Variants in ME1 observed in about 807,000 individuals in gnomAD.
The protein encoded by ME1 is NADP-dependent malic enzyme.
A neutral mutation model predicts 66.4 loss-of-function variants in ME1; 74 were observed. The ratio of observed to expected loss-of-function variants is 1.11; its 90% CI spans 0.92 to 1.35. The LOEUF (loss-of-function observed/expected upper bound fraction) is 1.35, where lower values mean the gene tolerates loss of function less well. Ranked by LOEUF, ME1 falls within the 40% of genes most tolerant of loss-of-function variation. The pLI is 0.00. For missense variants in ME1, 750 were observed against 694.1 expected (o/e 1.08, Z -0.90); for synonymous variants, 251 against 235.6 (o/e 1.07, Z -0.60).
chr6:83,234,818 T>G (rs2128524933), intron 9 of ME1, among the ~76,000 whole-genome samples: 1 of 152,312 alleles, frequency 6.6e-6, no homozygotes, highest in African/African-American at 2.4e-5. Flanking sequence ...CCTTCATCTC[T>G]TATCATCTGC....
At chr6:83,385,123 G>T (rs571211049) in intron 3 of ME1, among the ~76,000 whole-genome samples, 2 of 151,924 alleles carry the variant, frequency 1.3e-5, no homozygotes, top group East Asian at 1.9e-4. Context: ...TTCAGTAACT[G>T]TCACTGTTAT....
At position 83,305,149 on chromosome 6, in the gene ME1, C is replaced by T. The variant is rs140678299; in HGVS notation, c.704+10161G>A. The stretch of plus-strand genomic sequence containing the variant: ...AAACCACTCACATTGTCTTGTGTGG[C>T]CTCCCTTTAAGTATCTCAATTGAGT... On this transcript the variant is annotated intron_variant, in intron 6 of 13. Coordinates refer to ENST00000369705, the MANE Select transcript of ME1 (RefSeq NM_002395.6). Among the ~76,000 whole-genome samples, 999 of 152,194 alleles carry T rather than the reference C, an allele frequency of 6.6e-3. 11 individuals carry two copies. The highest frequency in any genetic ancestry group is 0.023 in the African/African-American group (947 of 41,500).
At chr6:83,248,963 A>G (rs1790672463) in intron 7 of ME1, among the ~76,000 whole-genome samples, 1 of 152,314 alleles carries the variant, frequency 6.6e-6, no homozygotes, top group South Asian at 2.1e-4. Context: ...CTGAAATCCT[A>G]TATTTGCTTT....
At chr6:83,216,704 C>T in intron 12 of ME1, 108 bp from the exon 13 acceptor site, 1 of 656,114 alleles carries the variant, frequency 1.5e-6, no homozygotes, top group South Asian at 2.1e-5. Flanking sequence ...ATACAAAAAC[C>T]AGTGACATTA....
chr6:83,397,373 A>C (rs114622414), intron 3 of ME1, among the ~76,000 whole-genome samples: 186 of 152,324 alleles, frequency 1.2e-3, no homozygotes, highest in African/African-American at 4.4e-3. Context: ...GTTTATGAAA[A>C]ATTGCTCAAC....
At chr6:83,215,220 T>C (rs79337289) in intron 13 of ME1, among the ~76,000 whole-genome samples, 9,187 of 152,282 alleles carry the variant, frequency 0.06, 772 homozygotes, top group African/African-American at 0.19. Context: ...TTTAGATAAC[T>C]TGCTAATAGC....
chr6:83,298,780 A>G (rs1321510351), intron 6 of ME1, among the ~76,000 whole-genome samples: 1 of 151,950 alleles, frequency 6.6e-6, no homozygotes, highest in Admixed American at 6.6e-5. Context: ...AGTTTTCTGC[A>G]TATGGCTAGC....
intron 1 of ME1, among the ~76,000 whole-genome samples, chr6:83,426,385 G>A (rs1770370843): frequency 6.6e-6 from 1 of 152,116 alleles, no homozygotes; most frequent in Non-Finnish European, 1.5e-5. Flanking sequence ...TACTACTACT[G>A]TTGTTTCCAC....
rs7758704 is a variant in ME1 at position 83,395,307 on chromosome 6, G to A, written c.362+3060C>T. 2.3e-3 allele frequency among the ~76,000 whole-genome samples: 344 copies of A among 151,368 alleles called. 2 individuals are homozygous for A. Among genetic ancestry groups the A allele is most frequent in the African/African-American group, 8.0e-3 (332 of 41,280 alleles). On this transcript the variant is annotated intron_variant, in intron 3 of 13. Transcript: ENST00000369705. ...TCACCATGTTGGCCAGGCTGGTCTC[G>A]TACTCCTGACCTCAGGTGATCTGCC...
chr6:83,306,398 T>C, intron 6 of ME1, among the ~76,000 whole-genome samples: 1 of 152,024 alleles, frequency 6.6e-6, no homozygotes, highest in East Asian at 1.9e-4. Flanking sequence ...AATAATCTAA[T>C]AATTTAGCTT....
At chr6:83,346,059 A>G in intron 5 of ME1, 114 bp downstream of exon 5, 3 of 832,066 alleles carry the variant, frequency 3.6e-6, no homozygotes, top group Non-Finnish European at 5.4e-6. Flanking sequence ...GGAGAGAGAA[A>G]GAGAACCAGA....
At chr6:83,416,798 A>G (rs1770167360) in intron 1 of ME1, among the ~76,000 whole-genome samples, 1 of 151,234 alleles carries the variant, frequency 6.6e-6, no homozygotes, top group African/African-American at 2.4e-5. Flanking sequence ...TGGGAGGCAG[A>G]GGTGGTAGGA....
At chr6:83,397,441 T>C (rs148917357) in intron 3 of ME1, among the ~76,000 whole-genome samples, 54 of 152,296 alleles carry the variant, frequency 3.5e-4, no homozygotes, top group African/African-American at 5.5e-4. Context: ...ACCTCACACT[T>C]GTTAGAACGG....
At chr6:83,305,455 G>A (rs1046615280) in intron 6 of ME1, among the ~76,000 whole-genome samples, 5 of 152,086 alleles carry the variant, frequency 3.3e-5, no homozygotes, top group Non-Finnish European at 7.4e-5. Context: ...TCAAAAGAAG[G>A]TTAAGATTTG....
intron 2 of ME1, among the ~76,000 whole-genome samples, chr6:83,399,708 A>G (rs1172273995): frequency 6.6e-6 from 1 of 152,238 alleles, no homozygotes; most frequent in African/African-American, 2.4e-5. Flanking sequence ...TTTATAGAAT[A>G]AAACGTAAAC....
chr6:83,367,542 C>T (rs1769122137), intron 3 of ME1, among the ~76,000 whole-genome samples: 2 of 152,212 alleles, frequency 1.3e-5, no homozygotes, highest in Admixed American at 1.3e-4. Context: ...GGATAACTTG[C>T]TGTAGCTTCT....
At chr6:83,333,899 T>C (rs1481673630) in intron 5 of ME1, among the ~76,000 whole-genome samples, 1 of 152,222 alleles carries the variant, frequency 6.6e-6, no homozygotes, top group East Asian at 1.9e-4. Flanking sequence ...AAATAATATG[T>C]AACTATTTCT....
intron 1 of ME1, 88 bp downstream of exon 1, chr6:83,430,789 G>A (rs1214522586): frequency 1.9e-5 from 23 of 1,194,236 alleles, no homozygotes; most frequent in Non-Finnish European, 2.6e-5. Context: ...GCGGCGGAGG[G>A]GCGAGGCCAT....
intron 6 of ME1, among the ~76,000 whole-genome samples, chr6:83,285,159 G>A (rs1222746514): frequency 3.9e-5 from 6 of 152,140 alleles, no homozygotes; most frequent in Non-Finnish European, 8.8e-5. Context: ...TTAACCAGCA[G>A]AGTATAATAT....
Sources: gnomAD v4.1 joint callset for allele counts (sites outside exome capture counted in the v4.1 genomes callset) on GRCh38, gnomAD v4.1.1 for gene constraint, MANE v1.5 for transcripts, NCBI Gene and HGNC (gene_info 2026-07-23, HGNC 2026-07-21) for gene names.